Variants in NTN1 observed in about 807,000 individuals in gnomAD.
The protein encoded by NTN1 is netrin-1.
Under a neutral mutation model 54.2 loss-of-function variants are expected in NTN1, and 11 were observed. The ratio of observed to expected loss-of-function variants is 0.20; its 90% confidence interval spans 0.13 to 0.34. The LOEUF (loss-of-function observed/expected upper bound fraction) is 0.34, where lower values mean the gene tolerates loss of function less well. Ranked by LOEUF, NTN1 falls within the 10% of genes least tolerant of loss-of-function variation. The probability of loss-of-function intolerance (pLI) is 1.00; values close to 1 mark genes in which losing one functional copy is unlikely to be tolerated. For synonymous variants in NTN1, 371 were observed against 382.0 expected (o/e 0.97, Z 0.33); for missense variants, 740 against 893.1 (o/e 0.83, Z 2.18).
At chr17:9,069,878 G>A (rs569534414) in intron 2 of NTN1, among the ~76,000 whole-genome samples, 1 of 152,268 alleles carries the variant, frequency 6.6e-6, no homozygotes, top group Admixed American at 6.5e-5. Context: ...CCAAGACCCC[G>A]TGTCACAGCA....
Position 9,199,536 on chromosome 17 carries a change from C to A in NTN1, c.1411+16567C>A, listed in dbSNP as rs144555505. ...TCAGGGGCCCAGGCCCCTTTCATCA[C>A]ATGGCTCTGCCATCTTCTAGGGCCT... On this transcript the variant is annotated intron_variant, in intron 5 of 6. Transcript: ENST00000173229. Among the ~76,000 whole-genome samples, 3 of 152,404 alleles carry A rather than the reference C, an allele frequency of 2.0e-5. No homozygotes were observed. The East Asian group carries it at 5.8e-4, about 29-fold the overall frequency.
chr17:9,234,790 G>A (rs1052172097), intron 6 of NTN1, among the ~76,000 whole-genome samples: 5 of 152,190 alleles, frequency 3.3e-5, no homozygotes, highest in Admixed American at 6.5e-5. Flanking sequence ...AGCAGCAGGC[G>A]GAGGCCAGGC....
Position 9,219,618 on chromosome 17 carries a change from C to T in NTN1, c.1412-1550C>T, listed in dbSNP as rs1354430006. Among the ~76,000 whole-genome samples the T allele has an allele frequency of 1.3e-5, 2 of 152,260 alleles. No homozygotes were observed. Among genetic ancestry groups the T allele is most frequent in the African/African-American group, 4.8e-5 (2 of 41,476 alleles). On this transcript the variant is annotated intron_variant, in intron 5 of 6. Transcript: ENST00000173229. This position sits in a 1 kb window ranked among gnomAD's most constrained non-coding sequence, Gnocchi z 4.5. The stretch of plus-strand genomic sequence containing the variant: ...ACCTCGATGGAGGCAGTGGCCTTCA[C>T]AGGCCAGAGGCCAGCCCTGGAGAGG...
At chr17:9,215,176 T>C (rs1905188584) in intron 5 of NTN1, among the ~76,000 whole-genome samples, 1 of 151,784 alleles carries the variant, frequency 6.6e-6, no homozygotes, top group African/African-American at 2.4e-5. Flanking sequence ...CACCTCATTC[T>C]ACTTCATAGT....
chr17:9,050,356 T>A (rs949075352), intron 2 of NTN1, among the ~76,000 whole-genome samples: 8 of 151,724 alleles, frequency 5.3e-5, no homozygotes, highest in African/African-American at 1.7e-4. Flanking sequence ...TAGAAGGAAC[T>A]TGGGCTTTGG....
chr17:9,041,398 C>T (rs1212110657), intron 2 of NTN1, among the ~76,000 whole-genome samples: 1 of 152,212 alleles, frequency 6.6e-6, no homozygotes, highest in Non-Finnish European at 1.5e-5. Flanking sequence ...TTGATCTTTA[C>T]AGATTTGCCT....
the NTN1 span, among the ~76,000 whole-genome samples, chr17:9,009,138 A>G: frequency 6.6e-6 from 1 of 152,194 alleles, no homozygotes; most frequent in Non-Finnish European, 1.5e-5. Context: ...ACTTCCCCCA[A>G]ATAACATCTG....
intron 2 of NTN1, among the ~76,000 whole-genome samples, chr17:9,150,533 T>C (rs1045038774): frequency 9.9e-5 from 15 of 152,098 alleles, no homozygotes; most frequent in African/African-American, 3.1e-4. Context: ...GGACGGAGGA[T>C]CTGAGGAACG....
chr17:9,140,940 G>A (rs2142279951), intron 2 of NTN1, among the ~76,000 whole-genome samples: 1 of 152,308 alleles, frequency 6.6e-6, no homozygotes, highest in Admixed American at 6.5e-5. Flanking sequence ...GGATTGATTA[G>A]GTAATGGGGT....
rs557158777 is a variant in NTN1 at position 9,219,242 on chromosome 17, C to G, written c.1412-1926C>G. Among the ~76,000 whole-genome samples the G allele has an allele frequency of 1.3e-5, 2 of 152,304 alleles. No individual in the cohort carries two copies. Among genetic ancestry groups the G allele is most frequent in the South Asian group, 4.1e-4 (2 of 4,826 alleles). On this transcript the variant is annotated intron_variant, in intron 5 of 6. Coordinates refer to ENST00000173229, the MANE Select transcript of NTN1 (RefSeq NM_004822.3). This position sits in a 1 kb window ranked among gnomAD's most constrained non-coding sequence, Gnocchi z 4.5. ...GCTGCCGTCACTTTCATCCCAACCT[C>G]TCAGGCTTGGCCACAGTAGAGTGAG...
At chr17:9,171,078 A>C (rs1162505016) in intron 3 of NTN1, 1 of 152,214 alleles carries the variant, frequency 6.6e-6, no homozygotes, top group Non-Finnish European at 1.5e-5. Context: ...TAGGTTGTGC[A>C]ACTTGAAACA....
chr17:9,007,291 C>G, the NTN1 span, among the ~76,000 whole-genome samples: 1 of 146,518 alleles, frequency 6.8e-6, no homozygotes, highest in African/African-American at 2.5e-5. Context: ...TCCCTTCCTT[C>G]CTTCTTTCTT....
upstream of NTN1, among the ~76,000 whole-genome samples, chr17:9,017,847 G>A (rs934844487): frequency 5.3e-5 from 8 of 152,166 alleles, no homozygotes; most frequent in Non-Finnish European, 1.0e-4. Flanking sequence ...GACAGGCTGC[G>A]TTAGGAAAGG....
chr17:9,053,943 C>T (rs1447407909), intron 2 of NTN1, among the ~76,000 whole-genome samples: 1 of 152,212 alleles, frequency 6.6e-6, no homozygotes, highest in Non-Finnish European at 1.5e-5. Context: ...CGTAGTCCCC[C>T]TCACTCAAGG....
At chr17:9,087,723 G>A (rs913191625) in intron 2 of NTN1, among the ~76,000 whole-genome samples, 1 of 152,200 alleles carries the variant, frequency 6.6e-6, no homozygotes, top group African/African-American at 2.4e-5. Context: ...CTCTTTTCTC[G>A]AGACAGCTGC....
chr17:9,220,627 C>T (rs904402121), intron 5 of NTN1, among the ~76,000 whole-genome samples: 16 of 152,094 alleles, frequency 1.1e-4, no homozygotes, highest in Non-Finnish European at 1.9e-4. Flanking sequence ...AACTCGTCTT[C>T]GTGGGGCATT....
intron 2 of NTN1, among the ~76,000 whole-genome samples, chr17:9,125,618 A>G (rs1216746329): frequency 6.6e-6 from 1 of 150,524 alleles, no homozygotes; most frequent in Admixed American, 6.6e-5. Context: ...TTATTTATTT[A>G]TTTAAGAGAG....
intron 2 of NTN1, among the ~76,000 whole-genome samples, chr17:9,051,436 A>G (rs1278474125): frequency 1.3e-5 from 2 of 152,210 alleles, no homozygotes; most frequent in Non-Finnish European, 2.9e-5. Flanking sequence ...ACTGTGCAAC[A>G]GGCCAAGGTG....
rs557400511 is a variant in NTN1 at position 9,207,899 on chromosome 17, T to C, written c.1412-13269T>C. Reference sequence around the variant, plus strand: ...CCACTCAAACCCTCTCCAGCCCAACTCGTGCCCTCTTTGTTGTCAAAGAGT... The same window carrying C: ...CCACTCAAACCCTCTCCAGCCCAACCCGTGCCCTCTTTGTTGTCAAAGAGT... On this transcript the variant is annotated intron_variant, in intron 5 of 6. Transcript: ENST00000173229. 2.0e-5 allele frequency among the ~76,000 whole-genome samples: 3 copies of C among 152,334 alleles called. No individual in the cohort carries two copies. In the South Asian group the frequency reaches 6.2e-4, roughly 32 times the overall value.
Sources: gnomAD v4.1 joint callset for allele counts (sites outside exome capture counted in the v4.1 genomes callset) on GRCh38, gnomAD v4.1.1 for gene constraint, Gnocchi (gnomAD v3.1) non-coding constraint, MANE v1.5 for transcripts, NCBI Gene and HGNC (gene_info 2026-07-23, HGNC 2026-07-21) for gene names.